The following SYNE2 variants were observed in gnomAD, a reference collection of about 807,000 sequenced individuals.
The protein encoded by SYNE2 is nesprin-2.
Under a neutral mutation model 856.3 loss-of-function variants are expected in SYNE2, and 431 were observed. That is an observed-to-expected ratio of 0.50 (90% confidence interval 0.47 to 0.55). SYNE2 has a LOEUF of 0.55. SYNE2 is among the 20% of genes least tolerant of loss of function. SYNE2 has a pLI of 0.00. For missense variants in SYNE2, 8,129 were observed against 8,023.2 expected (o/e 1.01, Z -0.50); for synonymous variants, 2,923 against 2,872.3 (o/e 1.02, Z -0.56).
chr14:64,216,558 C>T, intron 108 of SYNE2, 171 bp downstream of exon 108: 2 of 764,354 alleles, frequency 2.6e-6, no homozygotes, highest in South Asian at 1.5e-5. Flanking sequence ...TCATTAGAAC[C>T]CCGGCAAAAC....
intron 1 of SYNE2, among the ~76,000 whole-genome samples, chr14:63,802,625 T>G (rs1888185753): frequency 1.3e-5 from 2 of 152,158 alleles, no homozygotes; most frequent in African/African-American, 4.8e-5. Flanking sequence ...CCGGAATTGG[T>G]GGGTTCTTGG....
intron 95 of SYNE2, among the ~76,000 whole-genome samples, chr14:64,177,044 C>T (rs372314879): frequency 3.3e-5 from 5 of 152,120 alleles, no homozygotes; most frequent in South Asian, 2.1e-4. Flanking sequence ...GTGATCCACC[C>T]GCCTCAGCCT....
Position 64,125,097 on chromosome 14 carries a change from A to G in SYNE2, c.13441A>G (p.Ile4481Val), listed in dbSNP as rs1293583448. The change falls in exon 71 of 116, where the codon ATT (isoleucine) becomes GTT (valine). Residue 4481 changes from isoleucine to valine, a missense_variant. Ile to Val is a conservative substitution (Grantham distance 29, BLOSUM62 3). Coordinates refer to ENST00000555002, the MANE Select transcript of SYNE2 (RefSeq NM_182914.3). Reference protein sequence around the residue: ...VEPQVSTNMGILPSVTMYNFR... With the variant: ...VEPQVSTNMGVLPSVTMYNFR... ...CAAATAGGTTTCCACAAATATGGGT[A>G]TTCTACCCAGCGTGACTATGTATAA... 5 of 1,614,168 alleles carry G rather than the reference A, an allele frequency of 3.1e-6. 1 individual carries two copies. Among genetic ancestry groups the G allele is most frequent in the South Asian group, 2.2e-5 (2 of 91,082 alleles).
intron 29 of SYNE2, among the ~76,000 whole-genome samples, chr14:64,002,354 C>T (rs534629773): frequency 1.9e-4 from 29 of 152,236 alleles, no homozygotes; most frequent in Admixed American, 3.3e-4. Context: ...TGACTGAATT[C>T]CTAAATATAC....
At chr14:64,213,074 G>C (rs2098649659) in intron 105 of SYNE2, 69 bp downstream of exon 105, 1 of 1,514,112 alleles carries the variant, frequency 6.6e-7, no homozygotes, top group Non-Finnish European at 9.1e-7. Flanking sequence ...AATTTTTAAA[G>C]AATTAGGGGA....
chr14:63,843,945 CCA>C (rs374907866), intron 1 of SYNE2, among the ~76,000 whole-genome samples: 31 of 152,154 alleles, frequency 2.0e-4, no homozygotes, highest in African/African-American at 6.5e-4. Context: ...TGCCCTCCTT[CCA>C]CACACACACT....
intron 2 of SYNE2, among the ~76,000 whole-genome samples, chr14:63,932,551 T>TA (rs2095774432): frequency 6.7e-6 from 1 of 150,192 alleles, no homozygotes; most frequent in South Asian, 2.1e-4. Flanking sequence ...CATAAAAAAA[T>TA]ACGAAAATTA....
At chr14:64,202,331 A>C (rs1304984140) in intron 99 of SYNE2, 1 of 701,858 alleles carries the variant, frequency 1.4e-6, no homozygotes, top group Non-Finnish European at 2.6e-6. Flanking sequence ...CTTGTGGACC[A>C]AATACCACCA....
chr14:63,883,862 ATTTT>A (rs34392423), intron 1 of SYNE2, among the ~76,000 whole-genome samples: 2 of 130,506 alleles, frequency 1.5e-5, no homozygotes, highest in African/African-American at 2.9e-5. Context: ...AAGCTGGTGA[ATTTT>A]TTTTTTTTTT....
chr14:64,080,777 TGTGGGTGCTGA>T (rs2097515250), intron 56 of SYNE2, 139 bp downstream of exon 56: 1 of 1,046,148 alleles, frequency 9.6e-7, no homozygotes, highest in Non-Finnish European at 1.4e-6. Flanking sequence ...GGTAGGCTTG[TGTGGGTGCTGA>T]GGAGACAGAT....
chr14:64,205,071 C>T (rs1027842930), intron 100 of SYNE2, among the ~76,000 whole-genome samples: 10 of 152,150 alleles, frequency 6.6e-5, no homozygotes, highest in Admixed American at 6.5e-4. Flanking sequence ...TGTTAAGGAC[C>T]CTTAGGATTA....
intron 1 of SYNE2, among the ~76,000 whole-genome samples, chr14:63,887,924 T>C (rs1217522975): frequency 6.6e-6 from 1 of 152,056 alleles, no homozygotes; most frequent in Non-Finnish European, 1.5e-5. Context: ...GGCTAACTTT[T>C]ATATTTTTTG....
chr14:63,816,591 C>T (rs2139849305), intron 1 of SYNE2, among the ~76,000 whole-genome samples: 1 of 152,164 alleles, frequency 6.6e-6, no homozygotes, highest in African/African-American at 2.4e-5. Flanking sequence ...CCCTAAAGCT[C>T]GTCATAAGAC....
intron 1 of SYNE2, among the ~76,000 whole-genome samples, chr14:63,821,016 A>G (rs1437532273): frequency 1.3e-5 from 2 of 152,058 alleles, no homozygotes; most frequent in African/African-American, 2.4e-5. Context: ...CTTTGGGATT[A>G]CAGGTGTGAG....
chr14:63,832,019 A>C (rs938714846), intron 1 of SYNE2, among the ~76,000 whole-genome samples: 6 of 152,124 alleles, frequency 3.9e-5, no homozygotes, highest in Non-Finnish European at 7.4e-5. Flanking sequence ...TCCCACAAAA[A>C]ATTATTATTT....
At chr14:63,987,204 C>T (rs191091359) in intron 19 of SYNE2, among the ~76,000 whole-genome samples, 2 of 151,820 alleles carry the variant, frequency 1.3e-5, no homozygotes, top group East Asian at 3.9e-4. Context: ...TGCAGTGAGC[C>T]GAGATTGCAC....
intron 1 of SYNE2, among the ~76,000 whole-genome samples, chr14:63,809,449 G>A (rs756907308): frequency 6.6e-6 from 1 of 152,108 alleles, no homozygotes; most frequent in Non-Finnish European, 1.5e-5. Context: ...CCTCATTGTG[G>A]TCTATGATCC....
chr14:64,205,948 C>G (rs1163810766), intron 100 of SYNE2, among the ~76,000 whole-genome samples: 1 of 152,148 alleles, frequency 6.6e-6, no homozygotes, highest in Non-Finnish European at 1.5e-5. Flanking sequence ...TGAACCATCC[C>G]AATACCATCC....
chr14:63,829,429 AC>A (rs1889584970), intron 1 of SYNE2, among the ~76,000 whole-genome samples: 1 of 151,848 alleles, frequency 6.6e-6, no homozygotes, highest in South Asian at 2.1e-4. Context: ...AAACAAACAA[AC>A]AAAAAAAAAC....
Sources: gnomAD v4.1 joint callset for allele counts (sites outside exome capture counted in the v4.1 genomes callset) on GRCh38, gnomAD v4.1.1 for gene constraint, MANE v1.5 for transcripts, NCBI Gene and HGNC (gene_info 2026-07-23, HGNC 2026-07-21) for gene names.